Variants in MMP17 observed in about 807,000 individuals in gnomAD.
MMP17 encodes the protein matrix metallopeptidase 17.
In MMP17, 54 loss-of-function variants were observed where a neutral mutation model predicts 49.1. That is an observed-to-expected ratio of 1.10 (90% CI 0.88 to 1.38). The LOEUF is 1.38. MMP17 is among the 40% of genes most tolerant of loss of function. The pLI is 0.00. For missense variants in MMP17, 837 were observed against 853.7 expected, an observed-to-expected ratio of 0.98 and a Z score of 0.24; for synonymous variants, 397 against 383.1, an observed-to-expected ratio of 1.04 and a Z score of -0.42.
rs1311509931 is a variant in MMP17, at chr12:131,838,296, G to T, written c.261G>T (p.Gln87His). Residue 87 changes from glutamine to histidine, a missense_variant, in exon 2 of 10, where the codon CAG (glutamine) becomes CAT (histidine). By Grantham distance (24) the Gln-to-His change is conservative (BLOSUM62 0). Coordinates refer to ENST00000360564, the MANE Select transcript of MMP17 (RefSeq NM_016155.7). ...ELSKAITAMQ[Q>H]FGGLEATGIL... ...CTAAGGCCATCACAGCCATGCAGCA[G>T]TTTGGTGGCCTGGAGGCCACCGGCA... 6.2e-7 allele frequency: 1 copy of T among 1,613,144 alleles called. No homozygotes were observed. The highest frequency in any genetic ancestry group is 1.7e-5 in the Admixed American group (1 of 59,996).
intron 1 of MMP17, among the ~76,000 whole-genome samples, chr12:131,835,324 T>A (rs10794437): frequency 6.6e-6 from 1 of 152,266 alleles, no homozygotes; most frequent in South Asian, 2.1e-4. Context: ...GGGCTGGTGC[T>A]GGGGCCCTGG....
At chr12:131,833,036 C>T (rs917122363) in intron 1 of MMP17, among the ~76,000 whole-genome samples, 3 of 152,236 alleles carry the variant, frequency 2.0e-5, no homozygotes, top group Non-Finnish European at 4.4e-5. Flanking sequence ...GGCGGAGACC[C>T]GGAAGCCAAC....
In MMP17 at chr12:131,838,613, C is replaced by T. The variant is rs142829362; in HGVS notation, c.294C>T (p.Asp98=). 1.2e-5 allele frequency: 19 copies of T among 1,609,108 alleles called. No homozygotes were observed. The highest frequency in any genetic ancestry group is 3.3e-5 in the South Asian group (3 of 90,664). ...CTGAGCTCCATGCTTTCCCTGCAGA[C>T]GAGGCCACCCTGGCCCTGATGAAAA... The part of the protein sequence containing the change: ...FGGLEATGIL[D]EATLALMKTP... The change falls in exon 3 of 10, where the codon GAC becomes GAT. Residue 98 remains aspartate, a splice_region_variant and synonymous_variant. Coordinates refer to ENST00000360564, the MANE Select transcript of MMP17 (RefSeq NM_016155.7).
chr12:131,828,441 G>C lies in MMP17; in HGVS notation c.-54G>C. 2 of 967,078 alleles carry C rather than the reference G, an allele frequency of 2.1e-6. No individual in the cohort carries two copies. The highest frequency in any genetic ancestry group is 2.5e-6 in the Non-Finnish European group (2 of 813,070). 59.9% of individuals were successfully genotyped at this position (967,078 alleles called of 1,614,324 possible). On this transcript the variant is annotated 5_prime_UTR_variant, in exon 1 of 10. Coordinates refer to ENST00000360564, the MANE Select transcript of MMP17 (RefSeq NM_016155.7). ...AGCGGAGGGCGCCGGGCTGCGGAAC[G>C]CGAAGCGGAGGGCGCGGGACCCTGC...
chr12:131,838,455 G>T, intron 2 of MMP17, 128 bp downstream of exon 2: 1 of 1,456,944 alleles, frequency 6.9e-7, no homozygotes. Context: ...GCCTGGTGTA[G>T]CTCAGAGCCT....
At chr12:131,836,647 G>C (rs542241242) in intron 1 of MMP17, among the ~76,000 whole-genome samples, 1 of 149,670 alleles carries the variant, frequency 6.7e-6, no homozygotes, top group Non-Finnish European at 1.5e-5. Context: ...AAATAATAGC[G>C]ATTCACAAGC....
intron 6 of MMP17, chr12:131,844,458 G>T (rs1484055603): frequency 3.4e-6 from 1 of 298,250 alleles, no homozygotes; most frequent in South Asian, 3.6e-5. Context: ...TCACTGCCGG[G>T]GCCCACATCT....
rs1432865868 is a variant in MMP17, at chr12:131,849,821, C to T, written c.1224C>T (p.Phe408=). The T allele has an allele frequency of 1.2e-6, 2 of 1,613,620 alleles. No individual in the cohort carries two copies. Among genetic ancestry groups the T allele is most frequent in the East Asian group, 2.2e-5 (1 of 44,862 alleles). Residue 408 remains phenylalanine (F), a synonymous_variant, in exon 9 of 10, where the codon TTC becomes TTT. Coordinates refer to ENST00000360564, the MANE Select transcript of MMP17 (RefSeq NM_016155.7). Reference sequence around the variant, plus strand: ...CCCCAGGAGACAGGTACTGGGTGTTCAAGGACAATAACGTAGAGGAAGGAT... The same window carrying T: ...CCCCAGGAGACAGGTACTGGGTGTTTAAGGACAATAACGTAGAGGAAGGAT... ...VFFKGDRYWV[F]KDNNVEEGYP... is the part of the protein sequence containing the mutation.
chr12:131,845,719 A>C lies in MMP17; in HGVS notation c.1204+270A>C, dbSNP rs916903314. Among the ~76,000 whole-genome samples the C allele has an allele frequency of 2.0e-5, 3 of 152,324 alleles. No individual in the cohort carries two copies. In the East Asian group the frequency reaches 5.8e-4, roughly 29 times the overall value. ...TCAGGCCACAGTCCACCCGCAAGTC[A>C]GGAGGAGCTGATGCCAGTGCCGTTC... is the stretch of plus-strand genomic sequence containing the variant. On this transcript the variant is annotated intron_variant, in intron 8 of 9. Transcript: ENST00000360564.
rs373431123 is a variant in MMP17 at position 131,838,922 on chromosome 12, G to A, written c.422+181G>A. 4.6e-5 allele frequency among the ~76,000 whole-genome samples: 7 copies of A among 152,018 alleles called. No individual in the cohort carries two copies. In the East Asian group the frequency reaches 9.7e-4, roughly 21 times the overall value. On this transcript the variant is annotated intron_variant, in intron 3 of 9. Coordinates refer to ENST00000360564, the MANE Select transcript of MMP17 (RefSeq NM_016155.7). ...TCCGTGGAGGTGGGCGCGTGGCCAG[G>A]GTGGGGAACGGGGTCTCCGTGGAGG...
intron 3 of MMP17, chr12:131,840,037 C>T (rs2136323216): frequency 6.5e-6 from 1 of 152,692 alleles, no homozygotes; most frequent in South Asian, 2.1e-4. Flanking sequence ...ATCTGCCCAC[C>T]CTGGCCTCCC....
At chr12:131,841,551 G>A in intron 4 of MMP17, 73 bp from the exon 5 acceptor site, 1 of 1,507,434 alleles carries the variant, frequency 6.6e-7, no homozygotes, top group Non-Finnish European at 9.2e-7. Context: ...AGCATGGTGG[G>A]GGCCTGCTGG....
Position 131,841,645 on chromosome 12 carries a change from TTGCA to T in MMP17, c.729_732del (p.Phe243LeufsTer13). The T allele has an allele frequency of 6.2e-7, 1 of 1,614,056 alleles. No homozygotes were observed. Among genetic ancestry groups the T allele is most frequent in the Non-Finnish European group, 8.5e-7 (1 of 1,179,994 alleles). ...CCAGATGCCCACGGGATGGACCTGTTTGCAGTGGCTGTCCACGAGTTTGGCCACG... is the reference window on the plus strand; with the variant it reads ...CCAGATGCCCACGGGATGGACCTGTTGTGGCTGTCCACGAGTTTGGCCACG... On this transcript the variant is annotated frameshift_variant, in exon 5 of 10. Transcript: ENST00000360564. LOFTEE classifies it high-confidence loss of function.
At chr12:131,843,688 G>A (rs1887541195) in intron 5 of MMP17, among the ~76,000 whole-genome samples, 1 of 152,254 alleles carries the variant, frequency 6.6e-6, no homozygotes, top group South Asian at 2.1e-4. Flanking sequence ...GTTGGCTGCG[G>A]TGAACAGTGC....
chr12:131,849,502 A>G (rs1260072802), intron 8 of MMP17, among the ~76,000 whole-genome samples: 3 of 152,138 alleles, frequency 2.0e-5, no homozygotes, highest in Non-Finnish European at 2.9e-5. Flanking sequence ...TGATCATAAT[A>G]ATAATAGGAT....
chr12:131,829,582 G>A (rs1038265243), intron 1 of MMP17, among the ~76,000 whole-genome samples: 2 of 152,304 alleles, frequency 1.3e-5, no homozygotes, highest in Admixed American at 6.5e-5. Flanking sequence ...AGGCCTCCCC[G>A]CCCCACACAA....
chr12:131,828,885 G>A (rs994016604), intron 1 of MMP17, among the ~76,000 whole-genome samples: 25 of 152,136 alleles, frequency 1.6e-4, no homozygotes, highest in Admixed American at 6.5e-4. Flanking sequence ...CCGGCTCCGT[G>A]CGCTGGGAGC....
At chr12:131,845,041 A>C in intron 6 of MMP17, 77 bp from the exon 7 acceptor site, 5 of 1,361,914 alleles carry the variant, frequency 3.7e-6, no homozygotes, top group Non-Finnish European at 5.0e-6. Context: ...CGCTCAGGTC[A>C]GGGGCTCTGC....
At chr12:131,835,313 C>T (rs115506562) in intron 1 of MMP17, among the ~76,000 whole-genome samples, 190 of 152,354 alleles carry the variant, frequency 1.2e-3, no homozygotes, top group African/African-American at 4.2e-3. Flanking sequence ...CTGCCTGTCC[C>T]GGGCTGGTGC....
Sources: gnomAD v4.1 joint callset for allele counts (sites outside exome capture counted in the v4.1 genomes callset) on GRCh38, gnomAD v4.1.1 for gene constraint, MANE v1.5 for transcripts, NCBI Gene and HGNC (gene_info 2026-07-23, HGNC 2026-07-21) for gene names.